The following OR3A2 variants were observed in gnomAD, a reference collection of about 807,000 sequenced individuals.
OR3A2 encodes the protein olfactory receptor family 3 subfamily A member 2.
For synonymous variants in OR3A2, 126 were observed against 159.3 expected (o/e 0.79, Z 1.57); for missense variants, 318 against 392.8 (o/e 0.81, Z 1.61).
intron 3 of OR3A2, among the ~76,000 whole-genome samples, chr17:3,290,078 G>C (rs190058650): frequency 6.6e-6 from 1 of 152,052 alleles, no homozygotes; most frequent in Non-Finnish European, 1.5e-5. Context: ...CCTCTGTTTA[G>C]AGAAAGAGAA....
intron 2 of OR3A2, among the ~76,000 whole-genome samples, chr17:3,345,183 A>G (rs1484486753): frequency 6.6e-6 from 1 of 152,342 alleles, no homozygotes; most frequent in East Asian, 1.9e-4. Context: ...ATGTCGGTAC[A>G]GGCAAATTAT....
At chr17:3,304,358 G>C (rs907557619) in intron 3 of OR3A2, among the ~76,000 whole-genome samples, 1 of 152,014 alleles carries the variant, frequency 6.6e-6, no homozygotes, top group Non-Finnish European at 1.5e-5. Context: ...TCACCAATTC[G>C]TGCTGCCACA....
exon 2 of OR3A2, chr17:3,277,860 G>T: frequency 8.7e-7 from 1 of 1,152,358 alleles, no homozygotes; most frequent in Non-Finnish European, 1.2e-6. Flanking sequence ...CGATCTTCAA[G>T]CATCAGGAGA....
chr17:3,319,146 A>C (rs1239528027), intron 3 of OR3A2, among the ~76,000 whole-genome samples: 1 of 152,164 alleles, frequency 6.6e-6, no homozygotes, highest in African/African-American at 2.4e-5. Flanking sequence ...TCCACTAATT[A>C]ATTCATTTAT....
chr17:3,319,350 T>A (rs12947906), intron 3 of OR3A2, among the ~76,000 whole-genome samples: 55,494 of 151,882 alleles, frequency 0.37, 10,862 homozygotes, highest in South Asian at 0.5. Flanking sequence ...TTAAAATTTA[T>A]ATTATTTTTA....
intron 2 of OR3A2, among the ~76,000 whole-genome samples, chr17:3,354,550 G>A (rs1481644442): frequency 1.3e-5 from 2 of 151,198 alleles, no homozygotes; most frequent in Non-Finnish European, 3.0e-5. Context: ...ATTGGCATAT[G>A]GTTGCTAATA....
Position 3,311,083 on chromosome 17 carries a change from G to C in OR3A2, c.-85+24950C>G. 1 of 544,128 alleles carries C rather than the reference G, an allele frequency of 1.8e-6. No individual in the cohort carries two copies. 33.7% of individuals were successfully genotyped at this position (544,128 alleles called of 1,614,324 possible). ...GTGGTGGGCATCTTCTATGGGACGG[G>C]CGTCTTCAGCTACACAAGGCTGGGT... On this transcript the variant is annotated intron_variant, in intron 3 of 4. Coordinates refer to the OR3A2 transcript ENST00000573491. This position sits in a 1 kb window ranked among gnomAD's most constrained non-coding sequence, Gnocchi z 4.6.
chr17:3,370,834 G>A (rs895329583), intron 2 of OR3A2, among the ~76,000 whole-genome samples: 4 of 151,602 alleles, frequency 2.6e-5, no homozygotes, highest in Non-Finnish European at 5.9e-5. Context: ...GACTCTTAAC[G>A]AGCATGCTGC....
At chr17:3,377,004 G>A (rs2049690839) in intron 2 of OR3A2, among the ~76,000 whole-genome samples, 1 of 152,198 alleles carries the variant, frequency 6.6e-6, no homozygotes, top group Non-Finnish European at 1.5e-5. Flanking sequence ...TGATTTTCAG[G>A]TTCCCTAGTG....
chr17:3,341,309 A>T (rs928934662), intron 2 of OR3A2, among the ~76,000 whole-genome samples: 9 of 152,158 alleles, frequency 5.9e-5, no homozygotes, highest in Non-Finnish European at 1.3e-4. Flanking sequence ...TGTCATTATG[A>T]TGTTAGCTGG....
rs1360657566 is a variant in OR3A2 at position 3,311,403 on chromosome 17, G to T, written c.-85+24630C>A. On this transcript the variant is annotated intron_variant, in intron 3 of 4. Coordinates refer to the OR3A2 transcript ENST00000573491. This position sits in a 1 kb window ranked among gnomAD's most constrained non-coding sequence, Gnocchi z 4.6. ...AGCTTCTCACCAACAGCACTCGCAT[G>T]AGCTGTGAAGTCCAGGGTGCCCTGG... 1 of 501,128 alleles carries T rather than the reference G, an allele frequency of 2.0e-6. No homozygotes were observed. The highest frequency in any genetic ancestry group is 4.2e-6 in the Non-Finnish European group (1 of 240,658). The allele number at this position is 501,128 out of a possible 1,614,324, so 31.0% of individuals were successfully genotyped here.
At chr17:3,369,246 T>A (rs769996899) in intron 2 of OR3A2, among the ~76,000 whole-genome samples, 11 of 152,226 alleles carry the variant, frequency 7.2e-5, no homozygotes, top group Non-Finnish European at 1.2e-4. Flanking sequence ...CTTGTCTGAT[T>A]GCTCTGGCTA....
At chr17:3,372,233 G>C (rs1361884024) in intron 2 of OR3A2, among the ~76,000 whole-genome samples, 34 of 147,934 alleles carry the variant, frequency 2.3e-4, no homozygotes, top group Non-Finnish European at 3.9e-4. Flanking sequence ...ATGGGCGGCC[G>C]GGCAGAGATG....
intron 3 of OR3A2, among the ~76,000 whole-genome samples, chr17:3,318,132 G>C (rs2049092315): frequency 6.6e-6 from 1 of 152,142 alleles, no homozygotes; most frequent in African/African-American, 2.4e-5. Context: ...CTAGGATTGG[G>C]GAGTTAAGTG....
At chr17:3,331,942 C>T (rs2150642646) in intron 3 of OR3A2, among the ~76,000 whole-genome samples, 1 of 151,680 alleles carries the variant, frequency 6.6e-6, no homozygotes, top group African/African-American at 2.4e-5. Context: ...CAGACAGGAC[C>T]CTCAGCTGCA....
At chr17:3,338,968 G>T (rs1177791367) in intron 2 of OR3A2, among the ~76,000 whole-genome samples, 1 of 152,148 alleles carries the variant, frequency 6.6e-6, no homozygotes, top group African/African-American at 2.4e-5. Context: ...AGCTCTCCTT[G>T]AAGAGGTCCT....
chr17:3,341,524 G>C lies in OR3A2; in HGVS notation c.-178-5398C>G, dbSNP rs931599632. 4.3e-4 allele frequency among the ~76,000 whole-genome samples: 65 copies of C among 152,112 alleles called. 2 individuals are homozygous for C. The highest frequency in any genetic ancestry group is 4.2e-3 in the Admixed American group (64 of 15,268). ...ATTTTATTTCTCCTTCACTTATGAA[G>C]CTTAGTTTGGCTAGATATGAAATTC... On this transcript the variant is annotated intron_variant, in intron 2 of 4. Coordinates refer to the OR3A2 transcript ENST00000573491.
chr17:3,292,368 A>G (rs1288025099), intron 3 of OR3A2: 2 of 1,614,134 alleles, frequency 1.2e-6, no homozygotes, highest in South Asian at 1.1e-5. Context: ...CCCAACATCC[A>G]GCACTGATAG....
chr17:3,326,788 G>C (rs1395734810), intron 3 of OR3A2, among the ~76,000 whole-genome samples: 2 of 140,244 alleles, frequency 1.4e-5, no homozygotes, highest in Admixed American at 1.5e-4. Flanking sequence ...CCACCTATGA[G>C]TGAGAATATG....
Sources: gnomAD v4.1 joint callset for allele counts (sites outside exome capture counted in the v4.1 genomes callset) on GRCh38, gnomAD v4.1.1 for gene constraint, Gnocchi (gnomAD v3.1) non-coding constraint, MANE v1.5 for transcripts, NCBI Gene and HGNC (gene_info 2026-07-23, HGNC 2026-07-21) for gene names.